SAMD12: variants seen among roughly 807,000 people sequenced by gnomAD.
SAMD12 encodes the protein sterile alpha motif domain-containing protein 12.
In SAMD12, 9 loss-of-function variants were observed where a neutral mutation model predicts 15.0. The ratio of observed to expected loss-of-function variants is 0.60; its 90% CI spans 0.36 to 1.05. The LOEUF (loss-of-function observed/expected upper bound fraction) is 1.05. SAMD12 is among the 50% of genes least tolerant of loss of function. The pLI, the probability that SAMD12 is intolerant of heterozygous loss-of-function variation, is 0.01. For missense variants in SAMD12, 230 were observed against 234.2 expected, an observed-to-expected ratio of 0.98 and a Z score of 0.12; for synonymous variants, 86 against 90.1, an observed-to-expected ratio of 0.96 and a Z score of 0.25.
At chr8:118,617,369 G>A (rs536080351) in intron 1 of SAMD12, among the ~76,000 whole-genome samples, 1 of 152,186 alleles carries the variant, frequency 6.6e-6, no homozygotes, top group African/African-American at 2.4e-5. Flanking sequence ...TTGGTGATGT[G>A]TAGTTTCTTC....
At chr8:118,490,227 C>T (rs1342466745) in intron 2 of SAMD12, among the ~76,000 whole-genome samples, 2 of 152,072 alleles carry the variant, frequency 1.3e-5, no homozygotes, top group African/African-American at 2.4e-5. Context: ...TTTCTCAATA[C>T]AAGATAAAAG....
At chr8:118,339,769 G>C (rs902054803) in intron 4 of SAMD12, among the ~76,000 whole-genome samples, 3 of 152,226 alleles carry the variant, frequency 2.0e-5, no homozygotes, top group African/African-American at 7.2e-5. Context: ...ACACTGAGAG[G>C]CTGTCTCTTC....
At chr8:118,304,498 C>G (rs907314571) in intron 4 of SAMD12, among the ~76,000 whole-genome samples, 29 of 152,110 alleles carry the variant, frequency 1.9e-4, no homozygotes, top group African/African-American at 7.0e-4. Context: ...CAGTGGCTCA[C>G]GCCTGTAATC....
chr8:118,464,935 C>T (rs974444645), intron 2 of SAMD12, among the ~76,000 whole-genome samples: 4 of 152,292 alleles, frequency 2.6e-5, no homozygotes, highest in African/African-American at 7.2e-5. Context: ...CTATACTCTG[C>T]TGTGTTGTCT....
At chr8:118,168,198 C>A in the SAMD12 span, among the ~76,000 whole-genome samples, 6,838 of 152,284 alleles carry the variant, frequency 0.045, 281 homozygotes, top group African/African-American at 0.1. Context: ...TCTTTATCAG[C>A]AGCATGAAAA....
chr8:118,479,983 A>G (rs1824078917), intron 2 of SAMD12, among the ~76,000 whole-genome samples: 1 of 152,360 alleles, frequency 6.6e-6, no homozygotes, highest in Admixed American at 6.5e-5. Context: ...ATTTAGATTC[A>G]ATAGGCAAGA....
At position 118,441,285 on chromosome 8, in the gene SAMD12, A is replaced by G. The variant is rs2130892470; in HGVS notation, c.193-1324T>C. Among the ~76,000 whole-genome samples the G allele has an allele frequency of 1.3e-5, 2 of 152,290 alleles. 1 individual carries two copies. Among genetic ancestry groups the G allele is most frequent in the Middle Eastern group, 6.8e-3 (2 of 294 alleles). ...AAAATAAATTTTATTTTCTGTGGCA[A>G]TATCTTCTTTGTTTTTTAAACAAAT... is the stretch of plus-strand genomic sequence containing the variant. On this transcript the variant is annotated intron_variant, in intron 2 of 3. Coordinates refer to ENST00000314727, the MANE Select transcript of SAMD12 (RefSeq NM_207506.3).
intron 4 of SAMD12, among the ~76,000 whole-genome samples, chr8:118,277,441 G>A (rs985549729): frequency 6.6e-6 from 1 of 152,044 alleles, no homozygotes; most frequent in Non-Finnish European, 1.5e-5. Context: ...TTCTGTAAAC[G>A]TCTTGTTATT....
At chr8:118,516,345 T>C (rs539922393) in intron 2 of SAMD12, among the ~76,000 whole-genome samples, 1 of 152,366 alleles carries the variant, frequency 6.6e-6, no homozygotes, top group African/African-American at 2.4e-5. Flanking sequence ...GCATTGGCTA[T>C]TGTGATGATA....
At chr8:118,277,000 T>C (rs1030678127) in intron 4 of SAMD12, among the ~76,000 whole-genome samples, 2 of 152,190 alleles carry the variant, frequency 1.3e-5, no homozygotes, top group African/African-American at 4.8e-5. Flanking sequence ...GAGCAGTTTT[T>C]GAAGTCTCTC....
chr8:118,367,996 A>G (rs1212024932), intron 4 of SAMD12, among the ~76,000 whole-genome samples: 2 of 152,222 alleles, frequency 1.3e-5, no homozygotes, highest in African/African-American at 4.8e-5. Flanking sequence ...CAGGATATAC[A>G]TCTCATAATT....
At chr8:118,436,559 C>T (rs892917596) in intron 3 of SAMD12, among the ~76,000 whole-genome samples, 1 of 152,106 alleles carries the variant, frequency 6.6e-6, no homozygotes, top group Non-Finnish European at 1.5e-5. Flanking sequence ...TAACATGCTT[C>T]CTCAATGAGC....
intron 4 of SAMD12, among the ~76,000 whole-genome samples, chr8:118,361,594 A>T (rs763869834): frequency 2.4e-4 from 36 of 152,166 alleles, no homozygotes; most frequent in Admixed American, 9.2e-4. Context: ...GGTGGCTAAA[A>T]TGTTACCTTT....
intron 4 of SAMD12, among the ~76,000 whole-genome samples, chr8:118,279,539 T>TA (rs1390032961): frequency 1.3e-5 from 2 of 152,220 alleles, no homozygotes; most frequent in African/African-American, 4.8e-5. Context: ...CTGTATCTTT[T>TA]AAAACTTTAT....
At chr8:118,500,937 G>T (rs538962309) in intron 2 of SAMD12, among the ~76,000 whole-genome samples, 1 of 152,294 alleles carries the variant, frequency 6.6e-6, no homozygotes, top group Admixed American at 6.5e-5. Flanking sequence ...ACATTACAGG[G>T]TGTAAGAGGA....
At chr8:118,280,775 A>G (rs1055086347) in intron 4 of SAMD12, among the ~76,000 whole-genome samples, 1 of 152,140 alleles carries the variant, frequency 6.6e-6, no homozygotes. Context: ...CTTTATTACT[A>G]TATATGCACT....
At chr8:118,375,400 C>T (rs757789246), downstream of SAMD12, among the ~76,000 whole-genome samples, 13 of 152,106 alleles carry the variant, frequency 8.5e-5, no homozygotes, top group Non-Finnish European at 1.0e-4. Flanking sequence ...ACACACTAAA[C>T]ATCACTGAAT....
intron 4 of SAMD12, among the ~76,000 whole-genome samples, chr8:118,285,835 A>G (rs1272860719): frequency 6.6e-6 from 1 of 152,202 alleles, no homozygotes; most frequent in African/African-American, 2.4e-5. Context: ...AAGTACTATA[A>G]AAGTCTGACC....
intron 1 of SAMD12, among the ~76,000 whole-genome samples, chr8:118,600,252 CACAAT>C (rs1414293114): frequency 6.6e-6 from 1 of 151,116 alleles, no homozygotes; most frequent in African/African-American, 2.4e-5. Context: ...TGCCTCCATA[CACAAT>C]ACATTTGAGA....
Sources: gnomAD v4.1 joint callset for allele counts (sites outside exome capture counted in the v4.1 genomes callset) on GRCh38, gnomAD v4.1.1 for gene constraint, MANE v1.5 for transcripts, NCBI Gene and HGNC (gene_info 2026-07-23, HGNC 2026-07-21) for gene names.